GLI3: variants seen among roughly 807,000 people sequenced by gnomAD.
The protein encoded by GLI3 is transcription activator GLI3.
GLI3 carries 20 observed loss-of-function variants against 100.8 expected under a neutral mutation model. That is an observed-to-expected ratio of 0.20 (90% confidence interval 0.14 to 0.29). The LOEUF is 0.29. Among genes scored for constraint, GLI3 ranks in the 10% least tolerant of loss-of-function variants. The probability of loss-of-function intolerance (pLI) is 1.00; values close to 1 mark genes in which losing one functional copy is unlikely to be tolerated. For missense variants in GLI3, 2,040 were observed against 2,128.5 expected (o/e 0.96, Z 0.82); for synonymous variants, 938 against 860.5 (o/e 1.09, Z -1.58).
chr7:42,210,545 T>G (rs1245867937), intron 2 of GLI3, among the ~76,000 whole-genome samples: 1 of 152,124 alleles, frequency 6.6e-6, no homozygotes, highest in African/African-American at 2.4e-5. Context: ...CAGCAGTATT[T>G]TGTAGCCTGG....
At chr7:42,231,394 C>T (rs139055378) in intron 1 of GLI3, among the ~76,000 whole-genome samples, 100 of 152,286 alleles carry the variant, frequency 6.6e-4, no homozygotes, top group African/African-American at 2.3e-3. Context: ...GTAAAAATTA[C>T]CCCATGGTCC....
intron 3 of GLI3, among the ~76,000 whole-genome samples, chr7:42,140,338 G>A (rs532719577): frequency 7.9e-5 from 12 of 152,284 alleles, no homozygotes; most frequent in African/African-American, 2.9e-4. Flanking sequence ...ATAAGCAAAT[G>A]CTCAATTAAT....
At chr7:42,188,620 G>A (rs555149780) in intron 2 of GLI3, among the ~76,000 whole-genome samples, 13 of 152,116 alleles carry the variant, frequency 8.5e-5, no homozygotes, top group Non-Finnish European at 1.6e-4. Context: ...TCCTTCAGTC[G>A]GTAATAAATA....
At position 42,040,101 on chromosome 7, in the gene GLI3, T is replaced by C. The variant is rs781472475; in HGVS notation, c.965A>G (p.Asn322Ser). ...TSPNSLVTIL[N>S]NSRSSSSASG... ...TGCTGAAGAGCTGCTACGGGAATTA[T>C]TGAGAATCGTGACCAAGGAGTTGGG... Residue 322 changes from asparagine to serine, a missense_variant, in exon 7 of 15, where the codon AAT becomes AGT. By Grantham distance (46) the Asn-to-Ser change is conservative. This residue lies in a region of GLI3 where 603 missense variants were observed against 690.9 expected (regional missense o/e 0.87). Coordinates refer to ENST00000395925, the MANE Select transcript of GLI3 (RefSeq NM_000168.6). The C allele has an allele frequency of 6.2e-7, 1 of 1,614,136 alleles. No individual in the cohort carries two copies. The highest frequency in any genetic ancestry group is 1.1e-5 in the South Asian group (1 of 91,088).
At chr7:42,064,430 G>C (rs1008723255) in intron 4 of GLI3, among the ~76,000 whole-genome samples, 3 of 152,206 alleles carry the variant, frequency 2.0e-5, no homozygotes, top group African/African-American at 7.2e-5. Flanking sequence ...TTAACTTGTG[G>C]TAGAGTTGAG....
intron 2 of GLI3, among the ~76,000 whole-genome samples, chr7:42,182,644 GTATATATATATATATATATA>G (rs764864618): frequency 1.4e-4 from 7 of 51,674 alleles, no homozygotes; most frequent in East Asian, 4.4e-4. Flanking sequence ...ATATGTGTGT[GTATATATATATATATATATA>G]TATATATATA....
intron 12 of GLI3, among the ~76,000 whole-genome samples, chr7:41,975,120 G>C (rs1787476948): frequency 6.6e-6 from 1 of 152,210 alleles, no homozygotes; most frequent in Admixed American, 6.5e-5. Flanking sequence ...AAAATGAGCT[G>C]TCTGATCTGG....
intron 10 of GLI3, among the ~76,000 whole-genome samples, chr7:42,018,895 T>G (rs1788849484): frequency 6.6e-6 from 1 of 152,152 alleles, no homozygotes; most frequent in South Asian, 2.1e-4. Flanking sequence ...TACATCTCAC[T>G]TTCTCTGCGG....
At chr7:42,142,506 T>C (rs982810936) in intron 3 of GLI3, among the ~76,000 whole-genome samples, 1 of 152,154 alleles carries the variant, frequency 6.6e-6, no homozygotes, top group African/African-American at 2.4e-5. Context: ...ATGAATAAAA[T>C]TGTTAACAAA....
At chr7:41,989,987 C>CAAAAAAAAAAAAAAAAAAA (rs60763223) in intron 10 of GLI3, among the ~76,000 whole-genome samples, 1 of 62,852 alleles carries the variant, frequency 1.6e-5, no homozygotes, top group Non-Finnish European at 3.6e-5. Flanking sequence ...ACTCTGTCTC[C>CAAAAAAAAAAAAAAAAAAA]AAAAAAAAAA....
At chr7:42,226,254 G>GA (rs369866337) in intron 1 of GLI3, among the ~76,000 whole-genome samples, 43 of 152,150 alleles carry the variant, frequency 2.8e-4, no homozygotes, top group Admixed American at 4.6e-4. Flanking sequence ...AAATGCACCA[G>GA]AAAAAAACCC....
At chr7:42,238,013 C>CCTCCTCCTCCTT (rs1168542897), upstream of GLI3, 4 of 159,602 alleles carry the variant, frequency 2.5e-5, no homozygotes, top group Admixed American at 6.4e-5. Context: ...GCCTCCTCCT[C>CCTCCTCCTCCTT]CTCCTCCTCC....
chr7:42,199,010 A>G (rs929782102), intron 2 of GLI3, among the ~76,000 whole-genome samples: 3 of 152,062 alleles, frequency 2.0e-5, no homozygotes, highest in African/African-American at 7.2e-5. Context: ...TTTTCCCCAA[A>G]ATTTATTATG....
intron 10 of GLI3, among the ~76,000 whole-genome samples, chr7:41,987,772 C>T (rs73688613): frequency 0.013 from 2,029 of 152,240 alleles, 60 homozygotes; most frequent in African/African-American, 0.047. Context: ...GAAAAATTGA[C>T]GCACTGTTAA....
At chr7:42,122,439 C>G (rs1786024779) in intron 3 of GLI3, among the ~76,000 whole-genome samples, 1 of 151,104 alleles carries the variant, frequency 6.6e-6, no homozygotes, top group Admixed American at 6.7e-5. Flanking sequence ...AAACTTCAAT[C>G]ACTTAAGAGA....
At chr7:41,985,774 T>C (rs1453694455) in intron 10 of GLI3, among the ~76,000 whole-genome samples, 1 of 152,234 alleles carries the variant, frequency 6.6e-6, no homozygotes, top group Non-Finnish European at 1.5e-5. Flanking sequence ...GGATACCTTG[T>C]AATTGGATTC....
intron 3 of GLI3, among the ~76,000 whole-genome samples, chr7:42,116,698 T>G (rs561288310): frequency 4.2e-4 from 64 of 152,244 alleles, no homozygotes; most frequent in Admixed American, 8.5e-4. Context: ...TTTGCCTCAG[T>G]TACAGAGGTC....
At chr7:41,985,036 G>C (rs1787778843) in intron 10 of GLI3, among the ~76,000 whole-genome samples, 1 of 152,202 alleles carries the variant, frequency 6.6e-6, no homozygotes, top group South Asian at 2.1e-4. Flanking sequence ...CTAAGAAAAT[G>C]GAACAGCCTT....
At chr7:42,190,988 C>T (rs1787816190) in intron 2 of GLI3, among the ~76,000 whole-genome samples, 1 of 150,566 alleles carries the variant, frequency 6.6e-6, no homozygotes, top group African/African-American at 2.4e-5. Context: ...AGAATGAAAC[C>T]CAAACTAGAA....
Sources: allele counts gnomAD v4.1 joint callset (sites outside exome capture counted in the v4.1 genomes callset), GRCh38; gene constraint gnomAD v4.1.1; regional missense constraint gnomAD v4.1.1; transcripts MANE v1.5; gene names NCBI Gene and HGNC (gene_info 2026-07-23, HGNC 2026-07-21).